FRMD5: variants seen among roughly 807,000 people sequenced by gnomAD.
The protein encoded by FRMD5 is FERM domain containing 5.
FRMD5 carries 20 observed loss-of-function variants against 69.0 expected under a neutral mutation model. The ratio of observed to expected loss-of-function variants is 0.29; its 90% confidence interval spans 0.20 to 0.42. The LOEUF is 0.42. Ranked by LOEUF, FRMD5 falls within the 10% of genes least tolerant of loss-of-function variation. The pLI is 1.00. For missense variants in FRMD5, 595 were observed against 708.6 expected, an observed-to-expected ratio of 0.84 and a Z score of 1.82; for synonymous variants, 271 against 260.1, an observed-to-expected ratio of 1.04 and a Z score of -0.40.
intron 1 of FRMD5, among the ~76,000 whole-genome samples, chr15:44,052,492 C>G (rs926304835): frequency 3.9e-5 from 6 of 152,168 alleles, no homozygotes; most frequent in Non-Finnish European, 7.4e-5. Flanking sequence ...GCAAGGTGTA[C>G]TTGTTACTAG....
chr15:43,920,633 A>G (rs925878850), intron 2 of FRMD5, among the ~76,000 whole-genome samples: 1 of 152,212 alleles, frequency 6.6e-6, no homozygotes, highest in South Asian at 2.1e-4. Flanking sequence ...GCTAATCAAG[A>G]TTAGGTAGGA....
chr15:43,993,515 G>T (rs1889783301), intron 1 of FRMD5, among the ~76,000 whole-genome samples: 1 of 152,180 alleles, frequency 6.6e-6, no homozygotes, highest in Non-Finnish European at 1.5e-5. Flanking sequence ...TTACCCTGGA[G>T]AATGTTCCAT....
intron 7 of FRMD5, among the ~76,000 whole-genome samples, chr15:43,901,654 A>T (rs999023033): frequency 2.0e-5 from 3 of 152,174 alleles, no homozygotes; most frequent in Non-Finnish European, 4.4e-5. Flanking sequence ...AAAATGCCAG[A>T]TGTGCATGAG....
In FRMD5 at chr15:43,955,241, G is replaced by A. The variant is rs375678122; in HGVS notation, c.103-30932C>T. Among the ~76,000 whole-genome samples, 9 of 152,296 alleles carry A rather than the reference G, an allele frequency of 5.9e-5. No homozygotes were observed. In the South Asian group the frequency reaches 1.9e-3, roughly 32 times the overall value. On this transcript the variant is annotated intron_variant, in intron 1 of 13. Coordinates refer to ENST00000417257, the MANE Select transcript of FRMD5 (RefSeq NM_032892.5). ...ACAGGGCACTCCTCACCCTTGGAAA[G>A]TCACTTCCCAACATGGTACCCAAAG... is the stretch of plus-strand genomic sequence containing the variant.
intron 13 of FRMD5, among the ~76,000 whole-genome samples, chr15:43,882,957 G>A (rs896231273): frequency 2.0e-5 from 3 of 150,880 alleles, no homozygotes; most frequent in African/African-American, 7.3e-5. Flanking sequence ...AGGCTCCCAC[G>A]ACCATGCCCT....
At chr15:44,133,907 T>G (rs1433802578) in intron 1 of FRMD5, among the ~76,000 whole-genome samples, 2 of 152,016 alleles carry the variant, frequency 1.3e-5, no homozygotes, top group Non-Finnish European at 2.9e-5. Flanking sequence ...TAAGCCAATG[T>G]CCAGAGATTG....
At chr15:44,137,536 G>T (rs914730496) in intron 1 of FRMD5, among the ~76,000 whole-genome samples, 1 of 152,116 alleles carries the variant, frequency 6.6e-6, no homozygotes, top group African/African-American at 2.4e-5. Flanking sequence ...AACTCTAGAG[G>T]TAAGGAAGCC....
intron 1 of FRMD5, among the ~76,000 whole-genome samples, chr15:44,130,688 G>T (rs1281356444): frequency 6.6e-6 from 1 of 152,126 alleles, no homozygotes; most frequent in Non-Finnish European, 1.5e-5. Flanking sequence ...CCTGTTTACA[G>T]TTGTATGGAA....
intron 1 of FRMD5, among the ~76,000 whole-genome samples, chr15:44,034,579 G>C (rs762962663): frequency 7.2e-5 from 11 of 152,188 alleles, no homozygotes; most frequent in Non-Finnish European, 1.5e-4. Context: ...ATACTCCTTT[G>C]GGAGTTAATG....
At chr15:43,976,390 C>T (rs563031394) in intron 1 of FRMD5, among the ~76,000 whole-genome samples, 8 of 152,282 alleles carry the variant, frequency 5.3e-5, no homozygotes, top group African/African-American at 1.9e-4. Context: ...AAGCATTTAT[C>T]TGATGAAGGA....
At chr15:43,911,332 C>T (rs1485957905) in intron 4 of FRMD5, among the ~76,000 whole-genome samples, 2 of 152,226 alleles carry the variant, frequency 1.3e-5, no homozygotes, top group African/African-American at 4.8e-5. Context: ...ATCATAAAGT[C>T]ATTGCAGCTT....
chr15:44,003,199 A>G (rs1890288989), intron 1 of FRMD5, among the ~76,000 whole-genome samples: 1 of 152,118 alleles, frequency 6.6e-6, no homozygotes, highest in South Asian at 2.1e-4. Context: ...TACCTTCAAA[A>G]TGTATTCAGA....
rs981451861 is a variant in FRMD5 at position 43,991,455 on chromosome 15, ACTGCTG to A, written c.103-67152_103-67147del. Reference sequence around the variant, plus strand: ...GGGACAGGTCTTTGCTGCTGCTGCTACTGCTGCTGCTGCATTCTGTGCCCTCAGACA... The same window carrying A: ...GGGACAGGTCTTTGCTGCTGCTGCTACTGCTGCATTCTGTGCCCTCAGACA... On this transcript the variant is annotated intron_variant, in intron 1 of 13. Transcript: ENST00000417257. Among the ~76,000 whole-genome samples, 2 of 152,180 alleles carry A rather than the reference ACTGCTG, an allele frequency of 1.3e-5. 1 individual carries two copies. Among genetic ancestry groups the A allele is most frequent in the African/African-American group, 4.8e-5 (2 of 41,446 alleles).
intron 1 of FRMD5, chr15:43,990,185 GGT>G: frequency 1.9e-6 from 1 of 520,352 alleles, no homozygotes; most frequent in South Asian, 1.7e-5. Flanking sequence ...CATCATCCAT[GGT>G]GAGCTGGCGG....
intron 1 of FRMD5, among the ~76,000 whole-genome samples, chr15:44,100,734 G>A (rs1450673463): frequency 6.6e-6 from 1 of 152,188 alleles, no homozygotes; most frequent in East Asian, 1.9e-4. Flanking sequence ...CTGAGACTAA[G>A]ATTCTTTTTC....
intron 1 of FRMD5, among the ~76,000 whole-genome samples, chr15:44,162,166 A>T (rs527664639): frequency 6.6e-6 from 1 of 151,528 alleles, no homozygotes; most frequent in East Asian, 2.0e-4. Flanking sequence ...GGTTTTCACC[A>T]TGTTGGTCAG....
chr15:43,926,493 G>A (rs1408322575), intron 1 of FRMD5, among the ~76,000 whole-genome samples: 1 of 152,182 alleles, frequency 6.6e-6, no homozygotes, highest in East Asian at 1.9e-4. Context: ...GCCTGGCCCT[G>A]CCCCAAGAAT....
rs1460072686 is a variant in FRMD5, at chr15:44,137,050, C to T, written c.102+57903G>A. Among the ~76,000 whole-genome samples, 8 of 152,180 alleles carry T rather than the reference C, an allele frequency of 5.3e-5. No homozygotes were observed. The South Asian group carries it at 6.2e-4, about 12-fold the overall frequency. On this transcript the variant is annotated intron_variant, in intron 1 of 13. Transcript: ENST00000417257. ...CAGGATCAGATTTAATATTTAGGTG[C>T]TAACACTTAGATGCTAATAAAATAA...
intron 7 of FRMD5, among the ~76,000 whole-genome samples, chr15:43,898,333 C>T (rs1382015086): frequency 6.6e-6 from 1 of 152,148 alleles, no homozygotes; most frequent in Non-Finnish European, 1.5e-5. Context: ...TTAGAGGGGA[C>T]TTATCTCCCT....
Sources: gnomAD v4.1 joint callset for allele counts (sites outside exome capture counted in the v4.1 genomes callset) on GRCh38, gnomAD v4.1.1 for gene constraint, MANE v1.5 for transcripts, NCBI Gene and HGNC (gene_info 2026-07-23, HGNC 2026-07-21) for gene names.